Variants in DYDC1 observed in about 807,000 individuals in gnomAD.
DYDC1 encodes the protein DPY30 domain containing 1.
Under a neutral mutation model 27.9 loss-of-function variants are expected in DYDC1, and 21 were observed. The observed-to-expected ratio is 0.75, with a 90% confidence interval of 0.53 to 1.08. The LOEUF (loss-of-function observed/expected upper bound fraction) is 1.08. Among genes scored for constraint, DYDC1 ranks in the 50% least tolerant of loss-of-function variants. The pLI is 0.00. For synonymous variants in DYDC1, 67 were observed against 65.8 expected, an observed-to-expected ratio of 1.02 and a Z score of -0.09; for missense variants, 202 against 205.9, an observed-to-expected ratio of 0.98 and a Z score of 0.12.
chr10:80,342,500 C>A, intron 3 of DYDC1, 139 bp from the exon 4 acceptor site: 2 of 671,268 alleles, frequency 3.0e-6, no homozygotes, highest in African/African-American at 1.9e-5. Flanking sequence ...CTTCCTGAAG[C>A]ATAAAATTTT....
chr10:80,341,269 C>T (rs1842307119), intron 4 of DYDC1, among the ~76,000 whole-genome samples: 1 of 150,780 alleles, frequency 6.6e-6, no homozygotes, highest in African/African-American at 2.4e-5. Context: ...TGGCAAAACC[C>T]CATCTCTACT....
chr10:80,342,560 T>C (rs1202455051), intron 3 of DYDC1, among the ~76,000 whole-genome samples, 199 bp from the exon 4 acceptor site: 1 of 152,256 alleles, frequency 6.6e-6, no homozygotes, highest in Non-Finnish European at 1.5e-5. Context: ...AAGCACAATT[T>C]GTACAAAATT....
chr10:80,356,220 T>G, intron 1 of DYDC1: 2 of 981,290 alleles, frequency 2.0e-6, no homozygotes, highest in Non-Finnish European at 1.2e-6. Flanking sequence ...TACCCATCTC[T>G]CCTGTGGTAA....
chr10:80,346,328 T>C (rs1392263796), intron 3 of DYDC1, among the ~76,000 whole-genome samples: 3 of 152,184 alleles, frequency 2.0e-5, no homozygotes, highest in Non-Finnish European at 2.9e-5. Context: ...GCTTTTAATT[T>C]TTTGAAATAC....
intron 3 of DYDC1, among the ~76,000 whole-genome samples, chr10:80,346,477 T>TTTTTC (rs1589508887): frequency 1.4e-5 from 2 of 142,938 alleles, no homozygotes; most frequent in Admixed American, 7.2e-5. Context: ...TTTTTCTTTT[T>TTTTTC]TGAGACGGAG....
chr10:80,351,681 G>T (rs533693676), intron 3 of DYDC1, among the ~76,000 whole-genome samples: 1 of 152,324 alleles, frequency 6.6e-6, no homozygotes, highest in Admixed American at 6.5e-5. Flanking sequence ...CAACAACAGT[G>T]TGGAAAGGAA....
At chr10:80,346,878 C>T (rs755398368) in intron 3 of DYDC1, among the ~76,000 whole-genome samples, 7 of 151,430 alleles carry the variant, frequency 4.6e-5, no homozygotes, top group Admixed American at 2.0e-4. Context: ...AGTTCAAGAC[C>T]AGCCTGGCCA....
At chr10:80,341,065 T>C (rs548568871) in intron 4 of DYDC1, among the ~76,000 whole-genome samples, 12 of 152,264 alleles carry the variant, frequency 7.9e-5, no homozygotes, top group African/African-American at 2.6e-4. Context: ...ATAATGAACA[T>C]TGTCTATAAA....
At chr10:80,348,854 T>G (rs10788579) in intron 3 of DYDC1, among the ~76,000 whole-genome samples, 53,268 of 152,168 alleles carry the variant, frequency 0.35, 10,524 homozygotes, top group East Asian at 0.79. Context: ...TTTTCAAGGA[T>G]GAAATGCATA....
At chr10:80,338,954 G>A in intron 5 of DYDC1, 143 bp downstream of exon 5, 1 of 485,944 alleles carries the variant, frequency 2.1e-6, no homozygotes, top group Non-Finnish European at 3.6e-6. Flanking sequence ...TTTGTGACTT[G>A]TTATCACCGG....
intron 4 of DYDC1, 85 bp from the exon 5 acceptor site, chr10:80,339,238 C>G (rs1842236603): frequency 1.9e-6 from 1 of 532,004 alleles, no homozygotes; most frequent in African/African-American, 2.0e-5. Context: ...TACTTTTACA[C>G]AATGCTATGA....
chr10:80,346,491 C>T (rs1842647360), intron 3 of DYDC1, among the ~76,000 whole-genome samples: 1 of 100,144 alleles, frequency 1.0e-5, no homozygotes, highest in Non-Finnish European at 1.7e-5. Flanking sequence ...GACGGAGTCT[C>T]ACTCTGTCAC....
intron 4 of DYDC1, among the ~76,000 whole-genome samples, chr10:80,341,322 A>G (rs900213841): frequency 6.6e-6 from 1 of 151,698 alleles, no homozygotes; most frequent in Non-Finnish European, 1.5e-5. Flanking sequence ...GCGTGCCTGT[A>G]ATCCCAGCTA....
At chr10:80,352,743 CA>C in intron 1 of DYDC1, 133 bp from the exon 2 acceptor site, 3 of 1,144,266 alleles carry the variant, frequency 2.6e-6, no homozygotes, top group Non-Finnish European at 3.3e-6. Flanking sequence ...TTGGGGGTGT[CA>C]CAAGCAAGCT....
intron 1 of DYDC1, 163 bp downstream of exon 1, chr10:80,356,549 G>A: frequency 1.0e-6 from 1 of 985,514 alleles, no homozygotes; most frequent in South Asian, 4.7e-5. Flanking sequence ...GAGGACAGCT[G>A]GCCGCTTTCG....
chr10:80,356,561 G>C (rs2132869753), intron 1 of DYDC1, 151 bp downstream of exon 1: 1 of 985,504 alleles, frequency 1.0e-6, no homozygotes, highest in South Asian at 4.7e-5. Context: ...CCGCTTTCGG[G>C]AGCCCCAGGC....
intron 3 of DYDC1, among the ~76,000 whole-genome samples, chr10:80,350,444 A>C (rs1842918695): frequency 6.6e-6 from 1 of 152,216 alleles, no homozygotes; most frequent in South Asian, 2.1e-4. Context: ...CCTCATCCAC[A>C]GTTGTGGCTG....
At chr10:80,349,370 C>A (rs557210379) in intron 3 of DYDC1, among the ~76,000 whole-genome samples, 21 of 152,250 alleles carry the variant, frequency 1.4e-4, no homozygotes, top group Non-Finnish European at 2.5e-4. Flanking sequence ...TGCAAAAATT[C>A]ATTTTCTCTC....
At position 80,336,521 on chromosome 10, in the gene DYDC1, C is replaced by G. The variant is rs139255767; in HGVS notation, c.505-336G>C. On this transcript the variant is annotated intron_variant, in intron 6 of 6. Coordinates refer to ENST00000372202, the MANE Select transcript of DYDC1 (RefSeq NM_001269053.2). ...ACACACTGCACTCTCTCCTAGGTAC[C>G]TTACTCAATCCCCTTGCTTCATTCA... 376 of 181,250 alleles carry G rather than the reference C, an allele frequency of 2.1e-3. 1 individual carries two copies. Among genetic ancestry groups the G allele is most frequent in the African/African-American group, 8.5e-3 (359 of 42,034 alleles). The allele number at this position is 181,250 out of a possible 1,614,324, so 11.2% of individuals were successfully genotyped here.
Sources: allele counts gnomAD v4.1 joint callset (sites outside exome capture counted in the v4.1 genomes callset), GRCh38; gene constraint gnomAD v4.1.1; transcripts MANE v1.5; gene names NCBI Gene and HGNC (gene_info 2026-07-23, HGNC 2026-07-21).